TMEM40: variants seen among roughly 807,000 people sequenced by gnomAD.
TMEM40 encodes the protein transmembrane protein 40.
Under a neutral mutation model 40.8 loss-of-function variants are expected in TMEM40, and 34 were observed. That is an observed-to-expected ratio of 0.83 (90% CI 0.63 to 1.11). TMEM40 has a LOEUF of 1.11. TMEM40 is among the 50% of genes least tolerant of loss of function. The pLI, the probability that TMEM40 is intolerant of heterozygous loss-of-function variation, is 0.00. For missense variants in TMEM40, 296 were observed against 280.2 expected, an observed-to-expected ratio of 1.06 and a Z score of -0.40; for synonymous variants, 106 against 107.0, an observed-to-expected ratio of 0.99 and a Z score of 0.06.
At chr3:12,737,605 AG>A in intron 8 of TMEM40, 101 bp downstream of exon 8, 1 of 1,041,598 alleles carries the variant, frequency 9.6e-7, no homozygotes, top group South Asian at 1.3e-5. Context: ...CACACGACAG[AG>A]GTGGGCTATG....
chr3:12,760,796 C>T (rs2061564362), upstream of TMEM40, among the ~76,000 whole-genome samples: 1 of 150,936 alleles, frequency 6.6e-6, no homozygotes, highest in South Asian at 2.1e-4. Flanking sequence ...AGCTGGAGTG[C>T]AGTGGCACGA....
At position 12,736,768 on chromosome 3, in the gene TMEM40, G is replaced by A. The variant is rs373401700; in HGVS notation, c.540C>T (p.Tyr180=). 2.0e-5 allele frequency: 33 copies of A among 1,614,032 alleles called. No homozygotes were observed. Among genetic ancestry groups the A allele is most frequent in the South Asian group, 7.7e-5 (7 of 91,078 alleles). Residue 180 remains tyrosine (Y), a synonymous_variant, in exon 9 of 12, where the codon TAC becomes TAT. Coordinates refer to ENST00000314124, the MANE Select transcript of TMEM40 (RefSeq NM_018306.4). ...IGALLVCYHY[Y]ADWFMSLGVG... ...CCCCAGGGCACCTCCCCTCACCTGC[G>A]TAATAGTGATAACACACCAGCAAGG... is the stretch of plus-strand genomic sequence containing the variant.
chr3:12,755,226 T>TCA (rs2061514229), intron 1 of TMEM40, among the ~76,000 whole-genome samples: 1 of 91,320 alleles, frequency 1.1e-5, no homozygotes, highest in Non-Finnish European at 2.1e-5. Flanking sequence ...TCTCTCTCTC[T>TCA]CTCTCTCTCT....
chr3:12,741,693 C>A (rs898934434), intron 5 of TMEM40, among the ~76,000 whole-genome samples: 1 of 151,316 alleles, frequency 6.6e-6, no homozygotes, highest in Admixed American at 6.6e-5. Context: ...TATTTTATAC[C>A]CAGTGAAACC....
At chr3:12,751,197 G>A (rs570201616) in intron 1 of TMEM40, among the ~76,000 whole-genome samples, 1 of 150,104 alleles carries the variant, frequency 6.7e-6, no homozygotes, top group Admixed American at 6.7e-5. Context: ...TTCTCTACAG[G>A]CCTCCTCTTA....
At chr3:12,764,962 C>G (rs1231791090) in intron 1 of TMEM40, among the ~76,000 whole-genome samples, 1 of 151,930 alleles carries the variant, frequency 6.6e-6, no homozygotes, top group African/African-American at 2.4e-5. Flanking sequence ...ACCTCCGCCT[C>G]CCAGGTTCAA....
At chr3:12,738,678 A>G in intron 5 of TMEM40, 90 bp from the exon 6 acceptor site, 2 of 1,403,334 alleles carry the variant, frequency 1.4e-6, no homozygotes, top group South Asian at 1.2e-5. Flanking sequence ...CTGCTCGGAG[A>G]CTTCCCACTT....
At chr3:12,761,631 A>G (rs2061569105), upstream of TMEM40, among the ~76,000 whole-genome samples, 1 of 152,002 alleles carries the variant, frequency 6.6e-6, no homozygotes, top group Non-Finnish European at 1.5e-5. Context: ...AGAAAAGAAA[A>G]AAGATAAGGA....
intron 3 of TMEM40, among the ~76,000 whole-genome samples, chr3:12,746,873 C>T (rs763764405): frequency 3.9e-5 from 6 of 152,066 alleles, no homozygotes; most frequent in South Asian, 2.1e-4. Flanking sequence ...TGAGAGACAA[C>T]CAGAACCAGA....
At chr3:12,753,819 T>C (rs1050287383) in intron 1 of TMEM40, among the ~76,000 whole-genome samples, 1 of 152,184 alleles carries the variant, frequency 6.6e-6, no homozygotes, top group Non-Finnish European at 1.5e-5. Flanking sequence ...CGGGTCCTGC[T>C]AAACTGGATT....
intron 10 of TMEM40, among the ~76,000 whole-genome samples, chr3:12,735,901 T>G (rs2061333791): frequency 6.6e-6 from 1 of 152,190 alleles, no homozygotes; most frequent in African/African-American, 2.4e-5. Flanking sequence ...CCACTTTTAT[T>G]TATTTATTTT....
At chr3:12,737,904 G>A in intron 7 of TMEM40, 150 bp from the exon 8 acceptor site, 1 of 948,722 alleles carries the variant, frequency 1.1e-6, no homozygotes, top group Non-Finnish European at 1.7e-6. Context: ...CTGTGAAGAT[G>A]GGGGTACTGT....
At chr3:12,741,051 C>A (rs2061378337) in intron 5 of TMEM40, among the ~76,000 whole-genome samples, 1 of 152,226 alleles carries the variant, frequency 6.6e-6, no homozygotes, top group East Asian at 1.9e-4. Flanking sequence ...CAACTCCAAG[C>A]TCATGCCATC....
intron 1 of TMEM40, among the ~76,000 whole-genome samples, chr3:12,754,059 G>A (rs920151968): frequency 6.6e-6 from 1 of 152,204 alleles, no homozygotes; most frequent in African/African-American, 2.4e-5. Context: ...GCAGGTCATG[G>A]AGCCACACGG....
intron 5 of TMEM40, chr3:12,739,003 A>G (rs1352066633): frequency 5.0e-6 from 1 of 201,580 alleles, no homozygotes; most frequent in African/African-American, 2.3e-5. Flanking sequence ...AAATACAAAA[A>G]TTAGCTGGGC....
intron 4 of TMEM40, among the ~76,000 whole-genome samples, chr3:12,742,806 G>A (rs530174178): frequency 6.6e-5 from 10 of 152,308 alleles, no homozygotes; most frequent in South Asian, 2.1e-4. Flanking sequence ...ACTGTACTAA[G>A]TGATTTATAT....
rs142803873 is a variant in TMEM40, at chr3:12,768,258, G to C, written c.-9+993C>G. On this transcript the variant is annotated intron_variant, in intron 1 of 11. Coordinates refer to the TMEM40 transcript ENST00000264728. ...GAGCCTGCAGACCTTCGTGGTGAGT[G>C]TTACAACTACATAAAGCCAGCGTGG... Among the ~76,000 whole-genome samples the C allele has an allele frequency of 1.4e-3, 212 of 152,246 alleles. 2 individuals carry two copies. Among genetic ancestry groups the C allele is most frequent in the African/African-American group, 4.9e-3 (203 of 41,540 alleles).
rs187301297 is a variant in TMEM40 at position 12,746,846 on chromosome 3, G to A, written c.211+1809C>T. Among the ~76,000 whole-genome samples the A allele has an allele frequency of 2.0e-5, 3 of 152,236 alleles. 1 individual carries two copies. Among genetic ancestry groups the A allele is most frequent in the Non-Finnish European group, 4.4e-5 (3 of 68,010 alleles). ...TTATGGTCACATGGGGGACATTTTC[G>A]GAGGAGCAGCACTCCTTGAGAGACA... On this transcript the variant is annotated intron_variant, in intron 3 of 11. Transcript: ENST00000314124.
upstream of TMEM40, among the ~76,000 whole-genome samples, chr3:12,760,927 A>G (rs1474095207): frequency 6.6e-6 from 1 of 152,104 alleles, no homozygotes; most frequent in Non-Finnish European, 1.5e-5. Flanking sequence ...TTTTTTGTAG[A>G]GACAAGATCT....
Sources: allele counts gnomAD v4.1 joint callset (sites outside exome capture counted in the v4.1 genomes callset), GRCh38; gene constraint gnomAD v4.1.1; transcripts MANE v1.5; gene names NCBI Gene and HGNC (gene_info 2026-07-23, HGNC 2026-07-21).